The following DHRSX variants were observed in gnomAD, a reference collection of about 807,000 sequenced individuals.
DHRSX encodes the protein dehydrogenase/reductase X-linked.
DHRSX carries 31 observed loss-of-function variants against 34.0 expected under a neutral mutation model. The ratio of observed to expected loss-of-function variants is 0.91; its 90% CI spans 0.69 to 1.23. DHRSX has a LOEUF of 1.23. DHRSX is among the 50% of genes most tolerant of loss of function. The probability of loss-of-function intolerance (pLI) is 0.00; values close to 1 mark genes in which losing one functional copy is unlikely to be tolerated. For synonymous variants in DHRSX, 201 were observed against 183.8 expected, an observed-to-expected ratio of 1.09 and a Z score of -0.76; for missense variants, 414 against 428.1, an observed-to-expected ratio of 0.97 and a Z score of 0.29.
At chrX:2,486,214 G>A (rs1266984219) in intron 1 of DHRSX, among the ~76,000 whole-genome samples, 4 of 152,096 alleles carry the variant, frequency 2.6e-5, no homozygotes, top group Non-Finnish European at 5.9e-5. Context: ...AAATTTTGAT[G>A]CCAAAACACC....
At chrX:2,388,501 C>G (rs2043297955) in intron 3 of DHRSX, among the ~76,000 whole-genome samples, 2 of 151,912 alleles carry the variant, frequency 1.3e-5, no homozygotes, top group African/African-American at 4.8e-5. Flanking sequence ...GACTCCAAGT[C>G]CAGCAGAGAG....
chrX:2,325,182 T>A (rs1327333147), intron 3 of DHRSX, among the ~76,000 whole-genome samples: 1 of 152,126 alleles, frequency 6.6e-6, no homozygotes, highest in Non-Finnish European at 1.5e-5. Flanking sequence ...TACGGGTGAA[T>A]GTCGGGAGGA....
chrX:2,323,185 C>T (rs181005832), intron 3 of DHRSX, among the ~76,000 whole-genome samples: 36 of 152,258 alleles, frequency 2.4e-4, no homozygotes, highest in African/African-American at 7.7e-4. Flanking sequence ...AGTTATCCAA[C>T]CAACAAGCAC....
intron 6 of DHRSX, among the ~76,000 whole-genome samples, chrX:2,231,097 AC>A (rs1414545553): frequency 2.0e-5 from 3 of 152,104 alleles, no homozygotes; most frequent in Non-Finnish European, 2.9e-5. Flanking sequence ...TTAAGGCTAA[AC>A]CAAAGGAGGG....
At chrX:2,459,550 G>GTATATATATATATATA (rs57748851) in intron 1 of DHRSX, among the ~76,000 whole-genome samples, 27 of 137,800 alleles carry the variant, frequency 2.0e-4, no homozygotes, top group Admixed American at 5.4e-4. Flanking sequence ...GTGTCTGTGT[G>GTATATATATATATATA]TATATATATA....
At chrX:2,347,346 C>T (rs1401873378) in intron 3 of DHRSX, among the ~76,000 whole-genome samples, 1 of 152,184 alleles carries the variant, frequency 6.6e-6, no homozygotes, top group African/African-American at 2.4e-5. Flanking sequence ...AAGACCTGCC[C>T]CCATGATTCG....
At chrX:2,311,940 A>G (rs1162402649) in intron 3 of DHRSX, among the ~76,000 whole-genome samples, 1 of 152,168 alleles carries the variant, frequency 6.6e-6, no homozygotes, top group African/African-American at 2.4e-5. Context: ...AATTCCTAAG[A>G]AGCTGTTTCC....
intron 2 of DHRSX, among the ~76,000 whole-genome samples, chrX:2,409,554 C>G (rs1349700651): frequency 6.6e-6 from 1 of 152,106 alleles, no homozygotes; most frequent in African/African-American, 2.4e-5. Flanking sequence ...CGTTAGTTGG[C>G]TGTGTGCTCA....
At chrX:2,489,909 A>T in intron 1 of DHRSX, 7 of 1,613,852 alleles carry the variant, frequency 4.3e-6, no homozygotes, top group Non-Finnish European at 5.9e-6. Context: ...TCCTTGCCAT[A>T]GTTGGTGGTG....
intron 1 of DHRSX, among the ~76,000 whole-genome samples, chrX:2,482,226 C>T (rs1303699709): frequency 1.3e-5 from 2 of 151,852 alleles, no homozygotes. Flanking sequence ...AACTCCCTGG[C>T]TCAAGTGATC....
intron 3 of DHRSX, among the ~76,000 whole-genome samples, chrX:2,302,701 G>A (rs2042028027): frequency 1.3e-5 from 2 of 152,112 alleles, no homozygotes; most frequent in South Asian, 4.1e-4. Context: ...TCTGTGAACT[G>A]TTACTGCAAG....
intron 3 of DHRSX, among the ~76,000 whole-genome samples, chrX:2,327,355 A>G (rs901102495): frequency 6.6e-6 from 1 of 152,222 alleles, no homozygotes; most frequent in African/African-American, 2.4e-5. Context: ...CTCCAACCAC[A>G]GAAACGAGAT....
chrX:2,465,847 T>C (rs1326386312), intron 1 of DHRSX, among the ~76,000 whole-genome samples: 1 of 135,152 alleles, frequency 7.4e-6, no homozygotes, highest in Non-Finnish European at 1.6e-5. Context: ...AACAGACATA[T>C]TCATGCTGAG....
intron 1 of DHRSX, among the ~76,000 whole-genome samples, chrX:2,445,422 T>C (rs1313659824): frequency 6.6e-6 from 1 of 152,000 alleles, no homozygotes; most frequent in Non-Finnish European, 1.5e-5. Flanking sequence ...CTTGGAAAAT[T>C]TATCAATCAA....
chrX:2,406,972 G>A (rs2043563092), intron 3 of DHRSX, among the ~76,000 whole-genome samples: 1 of 152,180 alleles, frequency 6.6e-6, no homozygotes, highest in Non-Finnish European at 1.5e-5. Context: ...ATTCCTATGT[G>A]CATTGCAGCA....
At chrX:2,400,238 G>A (rs191081606) in intron 3 of DHRSX, among the ~76,000 whole-genome samples, 6 of 152,236 alleles carry the variant, frequency 3.9e-5, no homozygotes, top group African/African-American at 1.2e-4. Context: ...CAAGAATTCT[G>A]TACATTAAAA....
chrX:2,221,244 AAAG>A lies in DHRSX; in HGVS notation c.805-18_805-16del, dbSNP rs780607729. ...TCATCGGGGGTCTGGTGGAAGAAGA[AAAG>A]AAGGCTACGATGAGTCAAATTTCTG... On this transcript the variant is annotated splice_polypyrimidine_tract_variant and intron_variant, in intron 6 of 6. Transcript: ENST00000334651. 3.7e-6 allele frequency: 6 copies of A among 1,610,660 alleles called. No homozygotes were observed. The highest frequency in any genetic ancestry group is 1.7e-5 in the Admixed American group (1 of 59,548).
chrX:2,317,116 C>A (rs942938900), intron 3 of DHRSX, among the ~76,000 whole-genome samples: 4 of 152,034 alleles, frequency 2.6e-5, no homozygotes, highest in Admixed American at 1.3e-4. Context: ...CGTCACCACG[C>A]CCGGCTAATT....
chrX:2,303,999 TGATG>T (rs1035321183), intron 3 of DHRSX, among the ~76,000 whole-genome samples: 4 of 68,748 alleles, frequency 5.8e-5, no homozygotes, highest in Non-Finnish European at 1.1e-4. Context: ...ATGGATGAAT[TGATG>T]GATGGACGGA....
Sources: gnomAD v4.1 joint callset for allele counts (sites outside exome capture counted in the v4.1 genomes callset) on GRCh38, gnomAD v4.1.1 for gene constraint, MANE v1.5 for transcripts, NCBI Gene and HGNC (gene_info 2026-07-23, HGNC 2026-07-21) for gene names.